RNF228: variants seen among roughly 807,000 people sequenced by gnomAD.
RNF228 encodes the protein ring finger protein 228.
the RNF228 span, chr2:222,317,650 T>A: frequency 1.3e-5 from 2 of 152,348 alleles, no homozygotes; most frequent in South Asian, 4.1e-4. Flanking sequence ...GATAGATATA[T>A]ATTCTTTTTC....
the RNF228 span, among the ~76,000 whole-genome samples, chr2:222,316,160 G>A: frequency 1.3e-5 from 2 of 152,330 alleles, no homozygotes; most frequent in Admixed American, 1.3e-4. Flanking sequence ...GTGTATAGGT[G>A]TTTCCACGTA....
the RNF228 span, among the ~76,000 whole-genome samples, chr2:222,319,522 G>A: frequency 6.9e-6 from 1 of 144,622 alleles, no homozygotes; most frequent in Non-Finnish European, 1.5e-5. The surrounding 1 kb of genome is among the most constrained non-coding windows in gnomAD (Gnocchi z 7.6). Flanking sequence ...GGCGGGGCCG[G>A]GGTGGGCGGC....
At chr2:222,318,270 C>G in the RNF228 span, 1 of 152,274 alleles carries the variant, frequency 6.6e-6, no homozygotes, top group African/African-American at 2.4e-5. Flanking sequence ...CCAGACAACA[C>G]CCGGCCATGG....
the RNF228 span, among the ~76,000 whole-genome samples, chr2:222,316,703 C>T: frequency 1.3e-5 from 2 of 152,166 alleles, no homozygotes; most frequent in African/African-American, 4.8e-5. Flanking sequence ...ATATTTTATA[C>T]ATAATATATC....
chr2:222,319,853 C>A, the RNF228 span, among the ~76,000 whole-genome samples: 1 of 151,618 alleles, frequency 6.6e-6, no homozygotes, highest in Non-Finnish European at 1.5e-5. The surrounding 1 kb of genome is among the most constrained non-coding windows in gnomAD (Gnocchi z 7.6). Context: ...GCAGCTTGGG[C>A]GCGCGCCGGT....
the RNF228 span, among the ~76,000 whole-genome samples, chr2:222,319,982 G>T: frequency 2.6e-5 from 4 of 152,212 alleles, no homozygotes; most frequent in African/African-American, 7.2e-5. This position sits in a 1 kb window ranked among gnomAD's most constrained non-coding sequence, Gnocchi z 7.6. Flanking sequence ...CTCCCTTCGC[G>T]GCGACCCCAG....
the RNF228 span, among the ~76,000 whole-genome samples, chr2:222,319,633 C>T: frequency 6.8e-6 from 1 of 146,258 alleles, no homozygotes; most frequent in Admixed American, 6.8e-5. The surrounding 1 kb of genome is among the most constrained non-coding windows in gnomAD (Gnocchi z 7.6). Flanking sequence ...AAGGCCTCGG[C>T]TAGCTTGGTG....
the RNF228 span, among the ~76,000 whole-genome samples, chr2:222,319,693 G>C: frequency 6.8e-6 from 1 of 146,146 alleles, no homozygotes; most frequent in Non-Finnish European, 1.5e-5. The surrounding 1 kb of genome is among the most constrained non-coding windows in gnomAD (Gnocchi z 7.6). Context: ...GTGCGGTGGC[G>C]GCACACCGGG....
the RNF228 span, among the ~76,000 whole-genome samples, chr2:222,316,336 A>G: frequency 6.6e-6 from 1 of 152,144 alleles, no homozygotes; most frequent in Admixed American, 6.5e-5. Flanking sequence ...AGCCACAGAA[A>G]ATCTCTCTCC....
the RNF228 span, among the ~76,000 whole-genome samples, chr2:222,314,293 A>G: frequency 7.2e-5 from 11 of 152,346 alleles, no homozygotes; most frequent in South Asian, 1.0e-3. Context: ...AACAATGCCA[A>G]TATATATTAC....
chr2:222,317,263 T>G, the RNF228 span: 1 of 152,224 alleles, frequency 6.6e-6, no homozygotes, highest in Admixed American at 6.5e-5. Context: ...ATACCTCTTG[T>G]TTTTATTATT....
the RNF228 span, among the ~76,000 whole-genome samples, chr2:222,316,699 T>G: frequency 3.3e-5 from 5 of 152,250 alleles, no homozygotes; most frequent in Non-Finnish European, 5.9e-5. Flanking sequence ...GCATATATTT[T>G]ATACATAATA....
the RNF228 span, chr2:222,317,676 A>G: frequency 7.9e-5 from 12 of 152,350 alleles, 1 homozygote; most frequent in East Asian, 1.5e-3. Flanking sequence ...ATGTGACTGT[A>G]TGTGAACATT....
At chr2:222,316,075 A>G in the RNF228 span, among the ~76,000 whole-genome samples, 1 of 152,172 alleles carries the variant, frequency 6.6e-6, no homozygotes, top group Non-Finnish European at 1.5e-5. Flanking sequence ...TACCACTTTC[A>G]CCAGGAATCC....
At chr2:222,319,107 C>G in the RNF228 span, 1 of 207,410 alleles carries the variant, frequency 4.8e-6, no homozygotes, top group Non-Finnish European at 9.6e-6. This position sits in a 1 kb window ranked among gnomAD's most constrained non-coding sequence, Gnocchi z 7.6. Flanking sequence ...CCCCGTCGAG[C>G]CCGCGGCCGC....
chr2:222,317,443 C>T, the RNF228 span: 2 of 151,998 alleles, frequency 1.3e-5, no homozygotes, highest in African/African-American at 4.8e-5. Context: ...CATAAATACT[C>T]GAGGAATAAT....
At chr2:222,319,674 G>A in the RNF228 span, among the ~76,000 whole-genome samples, 2 of 146,408 alleles carry the variant, frequency 1.4e-5, no homozygotes, top group Admixed American at 1.4e-4. This position sits in a 1 kb window ranked among gnomAD's most constrained non-coding sequence, Gnocchi z 7.6. Flanking sequence ...GCGGCTGTCG[G>A]GCAGCGGCGT....
At chr2:222,316,320 A>G in the RNF228 span, among the ~76,000 whole-genome samples, 1 of 152,352 alleles carries the variant, frequency 6.6e-6, no homozygotes, top group African/African-American at 2.4e-5. Flanking sequence ...GCAATAAAGC[A>G]TGGTAAGCCA....
At chr2:222,318,511 T>C in the RNF228 span, 2 of 152,220 alleles carry the variant, frequency 1.3e-5, no homozygotes. Context: ...TTACATCCCA[T>C]TCATTCTTCC....
Sources: gnomAD v4.1 joint callset for allele counts (sites outside exome capture counted in the v4.1 genomes callset) on GRCh38, gnomAD v4.1.1 for gene constraint, Gnocchi (gnomAD v3.1) non-coding constraint, MANE v1.5 for transcripts, NCBI Gene and HGNC (gene_info 2026-07-23, HGNC 2026-07-21) for gene names.